AKR1C4: variants seen among roughly 807,000 people sequenced by gnomAD.
The protein encoded by AKR1C4 is 3-alpha-HSD1.
AKR1C4 carries 44 observed loss-of-function variants against 41.0 expected under a neutral mutation model. That is an observed-to-expected ratio of 1.07 (90% CI 0.84 to 1.38). The LOEUF is 1.38. Ranked by LOEUF, AKR1C4 falls within the 40% of genes most tolerant of loss-of-function variation. AKR1C4 has a pLI of 0.00. For missense variants in AKR1C4, 438 were observed against 387.9 expected, an observed-to-expected ratio of 1.13 and a Z score of -1.09; for synonymous variants, 165 against 137.7, an observed-to-expected ratio of 1.20 and a Z score of -1.39.
intron 2 of AKR1C4, among the ~76,000 whole-genome samples, chr10:5,202,939 T>TTTTGTG (rs1231601044): frequency 1.4e-4 from 19 of 139,270 alleles, no homozygotes; most frequent in African/African-American, 5.0e-4. Flanking sequence ...TAGTTTTCTT[T>TTTTGTG]TGTGTGTGTG....
chr10:5,218,633 G>A, intron 8 of AKR1C4, 85 bp from the exon 9 acceptor site: 2 of 1,033,520 alleles, frequency 1.9e-6, no homozygotes, highest in Non-Finnish European at 3.0e-6. Context: ...CACACTAATG[G>A]CAGCTTCATA....
chr10:5,218,849 A>G lies in AKR1C4; in HGVS notation c.*89A>G, dbSNP rs2398157. 1,306,441 of 1,312,986 alleles carry G rather than the reference A, an allele frequency of 1. 650,181 individuals carry two copies. Among genetic ancestry groups the G allele is most frequent in the East Asian group, 1 (42,939 of 42,940 alleles). 81.3% of individuals were successfully genotyped at this position (1,312,986 alleles called of 1,614,324 possible). A position where few individuals can be genotyped will look rare whatever the true frequency, so the allele number is the denominator to read the frequency against. ...TCTCTATGCTGGTGACTGGACACAC[A>G]GCCTCTGGTTAAATCCCTCCCCTCC... On this transcript the variant is annotated 3_prime_UTR_variant, in exon 9 of 9. Coordinates refer to ENST00000263126, the MANE Select transcript of AKR1C4 (RefSeq NM_001818.5).
intron 6 of AKR1C4, 58 bp from the exon 7 acceptor site, chr10:5,212,936 G>A: frequency 6.3e-7 from 1 of 1,586,798 alleles, no homozygotes; most frequent in Non-Finnish European, 8.6e-7. Context: ...TGTTTAGGGA[G>A]CCTCCTACCA....
intron 2 of AKR1C4, among the ~76,000 whole-genome samples, chr10:5,201,368 A>AT: frequency 6.6e-6 from 1 of 151,966 alleles, no homozygotes; most frequent in East Asian, 1.9e-4. Flanking sequence ...TATGTTGAGC[A>AT]TTTTTTCATA....
At chr10:5,206,248 A>G in intron 4 of AKR1C4, 27 bp from the exon 5 acceptor site, 1 of 1,613,858 alleles carries the variant, frequency 6.2e-7, no homozygotes, top group East Asian at 2.2e-5. Flanking sequence ...CTGCACAAAT[A>G]ATTCCTCACA....
intron 5 of AKR1C4, chr10:5,207,710 T>C (rs1381460308): frequency 6.7e-6 from 4 of 594,514 alleles, no homozygotes; most frequent in African/African-American, 5.9e-5. Flanking sequence ...CATGATGTGA[T>C]AATGAAGAGA....
chr10:5,216,887 G>A (rs1832665019), intron 8 of AKR1C4, 94 bp downstream of exon 8: 1 of 814,502 alleles, frequency 1.2e-6, no homozygotes, highest in African/African-American at 1.7e-5. Context: ...GGGAGACAGA[G>A]GCCAGTGCAA....
chr10:5,208,045 T>C (rs1254033573), intron 5 of AKR1C4, among the ~76,000 whole-genome samples: 1 of 138,556 alleles, frequency 7.2e-6, no homozygotes, highest in African/African-American at 2.7e-5. Flanking sequence ...GCAAAGTTAG[T>C]GAAATAAAAC....
At chr10:5,216,115 G>T (rs1374890195) in intron 7 of AKR1C4, among the ~76,000 whole-genome samples, 2 of 152,162 alleles carry the variant, frequency 1.3e-5, no homozygotes, top group Non-Finnish European at 2.9e-5. Context: ...CGTGGTAGAA[G>T]GTGACAGAGG....
Position 5,216,806 on chromosome 10 carries a change from G to T in AKR1C4, c.929+13G>T. Reference sequence around the variant, plus strand: ...TTGTCATGGATTTGTAAGTAACTTTGGAAAATGGGTTTCCCAGTTTATTTT... The same window carrying T: ...TTGTCATGGATTTGTAAGTAACTTTTGAAAATGGGTTTCCCAGTTTATTTT... On this transcript the variant is annotated intron_variant, in intron 8 of 8. Transcript: ENST00000263126. 1 of 1,584,336 alleles carries T rather than the reference G, an allele frequency of 6.3e-7. No individual in the cohort carries two copies. Among genetic ancestry groups the T allele is most frequent in the South Asian group, 1.1e-5 (1 of 88,726 alleles).
intron 2 of AKR1C4, among the ~76,000 whole-genome samples, chr10:5,200,871 A>G (rs1194389665): frequency 6.6e-6 from 1 of 152,144 alleles, no homozygotes; most frequent in Non-Finnish European, 1.5e-5. Flanking sequence ...TTGGTTTTCC[A>G]TTCCTGAATT....
intron 8 of AKR1C4, among the ~76,000 whole-genome samples, chr10:5,217,423 C>T (rs1180808500): frequency 6.6e-6 from 1 of 152,156 alleles, no homozygotes; most frequent in East Asian, 1.9e-4. Flanking sequence ...ATATGGAAAT[C>T]TCAATGCAGA....
At chr10:5,201,074 G>A (rs1832394103) in intron 2 of AKR1C4, among the ~76,000 whole-genome samples, 3 of 152,060 alleles carry the variant, frequency 2.0e-5, no homozygotes, top group South Asian at 4.1e-4. Context: ...AAACATGTGT[G>A]GGTATGTGTT....
At chr10:5,198,375 C>T (rs1355338539) in intron 1 of AKR1C4, among the ~76,000 whole-genome samples, 1 of 152,148 alleles carries the variant, frequency 6.6e-6, no homozygotes, top group African/African-American at 2.4e-5. Context: ...TTGAATTTCT[C>T]ACCCCTTCCT....
chr10:5,207,437 G>A, intron 5 of AKR1C4: 1 of 353,540 alleles, frequency 2.8e-6, no homozygotes, highest in South Asian at 2.5e-5. Flanking sequence ...TATGCAAGAT[G>A]CACAGATGGC....
intron 7 of AKR1C4, among the ~76,000 whole-genome samples, chr10:5,216,015 C>T (rs1015290488): frequency 7.9e-5 from 12 of 152,094 alleles, no homozygotes; most frequent in Admixed American, 2.0e-4. Flanking sequence ...TAAAATATGC[C>T]GAAAGTTGTT....
At chr10:5,198,051 A>C (rs1218805880) in intron 1 of AKR1C4, among the ~76,000 whole-genome samples, 1 of 152,234 alleles carries the variant, frequency 6.6e-6, no homozygotes, top group Non-Finnish European at 1.5e-5. Flanking sequence ...TCATTTAAAA[A>C]ATATACCTTT....
intron 7 of AKR1C4, among the ~76,000 whole-genome samples, chr10:5,216,148 A>C (rs1437290373): frequency 6.6e-6 from 1 of 152,156 alleles, no homozygotes; most frequent in African/African-American, 2.4e-5. Flanking sequence ...AAATAACAAG[A>C]GATGAAGAGG....
chr10:5,204,559 T>A, intron 3 of AKR1C4, 66 bp downstream of exon 3: 1 of 1,221,320 alleles, frequency 8.2e-7, no homozygotes, highest in South Asian at 1.2e-5. Context: ...GATGGTTGAA[T>A]TGAACTTCTT....
Sources: gnomAD v4.1 joint callset for allele counts (sites outside exome capture counted in the v4.1 genomes callset) on GRCh38, gnomAD v4.1.1 for gene constraint, MANE v1.5 for transcripts, NCBI Gene and HGNC (gene_info 2026-07-23, HGNC 2026-07-21) for gene names.